GGA2: variants seen among roughly 807,000 people sequenced by gnomAD.
The protein encoded by GGA2 is golgi associated, gamma adaptin ear containing, ARF binding protein 2.
In GGA2, 48 loss-of-function variants were observed where a neutral mutation model predicts 79.5. That is an observed-to-expected ratio of 0.60 (90% confidence interval 0.48 to 0.77). The LOEUF is 0.77. Ranked by LOEUF, GGA2 falls within the 30% of genes least tolerant of loss-of-function variation. The pLI is 0.00. For synonymous variants in GGA2, 317 were observed against 302.0 expected, an observed-to-expected ratio of 1.05 and a Z score of -0.51; for missense variants, 770 against 774.0, an observed-to-expected ratio of 0.99 and a Z score of 0.06.
Position 23,478,918 on chromosome 16 carries a change from G to C in GGA2, c.1130-7C>G. The C allele has an allele frequency of 1.3e-6, 2 of 1,593,530 alleles. No homozygotes were observed. Among genetic ancestry groups the C allele is most frequent in the Non-Finnish European group, 1.7e-6 (2 of 1,161,554 alleles). ...ACAGGAGCATCACTGATTCCTGTAAGAAAGGAGTAGAGTGAGATGCCTAAC... is the reference window on the plus strand; with the variant it reads ...ACAGGAGCATCACTGATTCCTGTAACAAAGGAGTAGAGTGAGATGCCTAAC... On this transcript the variant is annotated splice_region_variant and splice_polypyrimidine_tract_variant and intron_variant, in intron 11 of 16. Transcript: ENST00000309859.
intron 14 of GGA2, among the ~76,000 whole-genome samples, chr16:23,472,123 G>T (rs1964518228): frequency 6.9e-6 from 1 of 144,984 alleles, no homozygotes; most frequent in Non-Finnish European, 1.5e-5. Flanking sequence ...AAGGTATAAA[G>T]AAAGGCATCC....
At chr16:23,514,206 A>G (rs527632433), upstream of GGA2, among the ~76,000 whole-genome samples, 19 of 151,916 alleles carry the variant, frequency 1.3e-4, no homozygotes, top group African/African-American at 4.3e-4. Flanking sequence ...CCCAGGTTCA[A>G]TTGATTCTCT....
intron 5 of GGA2, 52 bp downstream of exon 5, chr16:23,491,625 G>T: frequency 6.4e-7 from 1 of 1,560,770 alleles, no homozygotes; most frequent in Non-Finnish European, 8.7e-7. Context: ...GAAAAAGCAA[G>T]AAGATACAGG....
At chr16:23,513,680 G>C (rs1405639321), upstream of GGA2, among the ~76,000 whole-genome samples, 1 of 151,434 alleles carries the variant, frequency 6.6e-6, no homozygotes, top group Non-Finnish European at 1.5e-5. Context: ...AGCTACTCAG[G>C]AGGCTGAGGC....
intron 2 of GGA2, among the ~76,000 whole-genome samples, chr16:23,518,818 C>CG (rs1264833876): frequency 1.3e-5 from 2 of 152,154 alleles, no homozygotes; most frequent in African/African-American, 4.8e-5. Context: ...AGATCTTGAC[C>CG]CTTACTATGT....
intron 14 of GGA2, among the ~76,000 whole-genome samples, chr16:23,474,125 C>T (rs1322191430): frequency 3.3e-5 from 5 of 152,190 alleles, no homozygotes; most frequent in Admixed American, 2.0e-4. Context: ...ACTTTTCTGC[C>T]TTAAGGAGGA....
At chr16:23,489,427 A>G (rs1964755229) in intron 5 of GGA2, among the ~76,000 whole-genome samples, 1 of 151,954 alleles carries the variant, frequency 6.6e-6, no homozygotes, top group African/African-American at 2.4e-5. Flanking sequence ...TTTTGTAGAG[A>G]TGGGGGTCTC....
intron 2 of GGA2, chr16:23,519,565 T>C (rs1965123324): frequency 5.0e-6 from 2 of 399,288 alleles, no homozygotes; most frequent in Non-Finnish European, 1.0e-5. Context: ...ATTGGTGATG[T>C]AGGAGAAGAG....
chr16:23,497,695 A>C (rs1424322790), intron 1 of GGA2, among the ~76,000 whole-genome samples: 1 of 152,052 alleles, frequency 6.6e-6, no homozygotes, highest in Non-Finnish European at 1.5e-5. Context: ...TGACCTTTTT[A>C]TCTCCCGTCC....
At chr16:23,475,794 G>A (rs1231949197) in intron 13 of GGA2, among the ~76,000 whole-genome samples, 2 of 151,766 alleles carry the variant, frequency 1.3e-5, no homozygotes, top group Admixed American at 6.6e-5. Context: ...CCAGGTGGTG[G>A]TGGCACACGC....
At chr16:23,482,844 TG>T (rs1964664395) in intron 9 of GGA2, 78 bp downstream of exon 9, 2 of 886,060 alleles carry the variant, frequency 2.3e-6, no homozygotes, top group Non-Finnish European at 1.9e-6. Context: ...GTCTTGTTCC[TG>T]GCACAGCAGT....
intron 13 of GGA2, among the ~76,000 whole-genome samples, 198 bp from the exon 14 acceptor site, chr16:23,475,259 G>A (rs545618671): frequency 2.0e-5 from 3 of 147,674 alleles, no homozygotes; most frequent in South Asian, 4.3e-4. Context: ...GAACAGTCTC[G>A]GCTCACTGCA....
chr16:23,515,149 AAT>A (rs771552621), upstream of GGA2, among the ~76,000 whole-genome samples: 11 of 150,064 alleles, frequency 7.3e-5, no homozygotes, highest in Admixed American at 2.0e-4. Context: ...TAAAAGAGAT[AAT>A]ATATATATAT....
intron 6 of GGA2, 133 bp from the exon 7 acceptor site, chr16:23,486,923 A>AATTTGGTG (rs1253164351): frequency 8.4e-6 from 6 of 714,138 alleles, no homozygotes; most frequent in Non-Finnish European, 1.3e-5. Context: ...CAAATGGTCC[A>AATTTGGTG]AGGACACTAC....
At chr16:23,500,699 G>C (rs1046698723) in intron 1 of GGA2, among the ~76,000 whole-genome samples, 5 of 152,260 alleles carry the variant, frequency 3.3e-5, no homozygotes, top group Non-Finnish European at 5.9e-5. Context: ...GAACCGCCCT[G>C]CAGCTATAAC....
chr16:23,512,044 A>G (rs191040810), upstream of GGA2, among the ~76,000 whole-genome samples: 1 of 152,342 alleles, frequency 6.6e-6, no homozygotes, highest in Non-Finnish European at 1.5e-5. Context: ...TGTGCTGTCT[A>G]GACAACACAT....
chr16:23,472,767 G>A (rs916570811), intron 14 of GGA2, among the ~76,000 whole-genome samples: 5 of 151,946 alleles, frequency 3.3e-5, no homozygotes, highest in African/African-American at 1.2e-4. Flanking sequence ...GGGCGCAGTG[G>A]CTCACGCCTG....
chr16:23,493,357 C>T lies in GGA2; in HGVS notation c.351+3G>A, dbSNP rs935656319. The T allele has an allele frequency of 6.4e-7, 1 of 1,558,890 alleles. No individual in the cohort carries two copies. The highest frequency in any genetic ancestry group is 1.7e-5 in the Admixed American group (1 of 59,978). ...GTCAGCAGAGCCAAGCCCAGGTACTCACCTTTGGGGACAACACTTTGATCA... is the reference window on the plus strand; with the variant it reads ...GTCAGCAGAGCCAAGCCCAGGTACTTACCTTTGGGGACAACACTTTGATCA... On this transcript the variant is annotated splice_donor_region_variant and intron_variant, in intron 4 of 16. Transcript: ENST00000309859.
chr16:23,507,666 G>A (rs1964988486), intron 1 of GGA2, among the ~76,000 whole-genome samples: 1 of 151,998 alleles, frequency 6.6e-6, no homozygotes, highest in Non-Finnish European at 1.5e-5. Context: ...CGGTTGTGGT[G>A]GCGTGTGCCC....
Sources: gnomAD v4.1 joint callset for allele counts (sites outside exome capture counted in the v4.1 genomes callset) on GRCh38, gnomAD v4.1.1 for gene constraint, MANE v1.5 for transcripts, NCBI Gene and HGNC (gene_info 2026-07-23, HGNC 2026-07-21) for gene names.